Variants in LZTS2 observed in about 807,000 individuals in gnomAD.
LZTS2 encodes the protein leucine zipper tumor suppressor 2.
In LZTS2, 32 loss-of-function variants were observed where a neutral mutation model predicts 60.6. The ratio of observed to expected loss-of-function variants is 0.53; its 90% CI spans 0.40 to 0.71. The LOEUF (loss-of-function observed/expected upper bound fraction) is 0.71, where lower values mean the gene tolerates loss of function less well. Among genes scored for constraint, LZTS2 ranks in the 30% least tolerant of loss-of-function variants. The probability of loss-of-function intolerance (pLI) is 0.00; values close to 1 mark genes in which losing one functional copy is unlikely to be tolerated. For synonymous variants in LZTS2, 360 were observed against 393.1 expected, an observed-to-expected ratio of 0.92 and a Z score of 1.00; for missense variants, 792 against 901.9, an observed-to-expected ratio of 0.88 and a Z score of 1.56.
At chr10:101,006,380 G>A in intron 3 of LZTS2, 105 bp from the exon 5 acceptor site, 1 of 1,452,802 alleles carries the variant, frequency 6.9e-7, no homozygotes, top group South Asian at 1.5e-5. Flanking sequence ...GTAAAATGGG[G>A]ATAAAGATGG....
At chr10:101,004,908 A>G (rs1195749872) in intron 2 of LZTS2, among the ~76,000 whole-genome samples, 1 of 152,060 alleles carries the variant, frequency 6.6e-6, no homozygotes, top group Non-Finnish European at 1.5e-5. Flanking sequence ...ATGTTGGCCA[A>G]GCTGGTCGCG....
At chr10:100,997,236 T>C (rs1851934773), upstream of LZTS2, 1 of 152,048 alleles carries the variant, frequency 6.6e-6, no homozygotes. Flanking sequence ...TGGCGCTGGG[T>C]GAGTGGTGGG....
intron 2 of LZTS2, among the ~76,000 whole-genome samples, chr10:101,004,390 T>C (rs1852124481): frequency 6.6e-6 from 1 of 151,892 alleles, no homozygotes; most frequent in Non-Finnish European, 1.5e-5. Flanking sequence ...GCGGATTGCT[T>C]GAGCTCGGGA....
Position 101,006,644 on chromosome 10 carries a change from C to T in LZTS2, c.1486C>T (p.Gln496Ter). 1 of 1,588,898 alleles carries T rather than the reference C, an allele frequency of 6.3e-7. No homozygotes were observed. Among genetic ancestry groups the T allele is most frequent in the Non-Finnish European group, 8.6e-7 (1 of 1,167,732 alleles). Residue 496 changes from glutamine to a stop codon, truncating the protein, a stop_gained, in exon 4 of 4, where the codon CAG becomes TAG. Transcript: ENST00000370220. LOFTEE classifies it high-confidence loss of function. ...CAGTGAGGGCCGTGCGCGGGGTCTACAGGAGGCCGCCCGAGCTCGGGAGCT... is the reference window on the plus strand; with the variant it reads ...CAGTGAGGGCCGTGCGCGGGGTCTATAGGAGGCCGCCCGAGCTCGGGAGCT...
chr10:101,004,110 G>T, exon 2 of LZTS2: 1 of 1,613,002 alleles, frequency 6.2e-7, no homozygotes, highest in Non-Finnish European at 8.5e-7. Context: ...AGACCGGGAG[G>T]CAGAGCTTCA....
upstream of LZTS2, among the ~76,000 whole-genome samples, chr10:100,997,639 T>A (rs1226824850): frequency 1.3e-5 from 2 of 151,910 alleles, no homozygotes; most frequent in East Asian, 3.9e-4. Context: ...CACCCGGAGG[T>A]TCCTGCTTCC....
exon 4 of LZTS2, chr10:101,006,906 A>C (rs1472847971): frequency 6.5e-7 from 1 of 1,531,824 alleles, no homozygotes; most frequent in African/African-American, 1.4e-5. Flanking sequence ...GTGGAGCTGC[A>C]GCGGGAGCGG....
At chr10:101,003,086 T>A (rs1852082372) in intron 1 of LZTS2, 140 bp downstream of exon 2, 1 of 1,102,606 alleles carries the variant, frequency 9.1e-7, no homozygotes, top group Non-Finnish European at 1.3e-6. Flanking sequence ...CTCTCTCTCA[T>A]TCTGGATGTG....
chr10:101,006,748 G>A lies in LZTS2; in HGVS notation c.1590G>A (p.Leu530=), dbSNP rs145739826. The change falls in exon 4 of 4, where the codon TTG becomes TTA. Residue 530 remains leucine (L), a synonymous_variant. Coordinates refer to ENST00000370220, the Ensembl canonical transcript of LZTS2. The stretch of plus-strand genomic sequence containing the variant: ...AGCTGCGGGAGAAAGCTGGGCAGTT[G>A]GATGCTGAGGCGGCCGGACTCCGGG... 4,221 of 1,586,930 alleles carry A rather than the reference G, an allele frequency of 2.7e-3. 44 individuals are homozygous for A. Among genetic ancestry groups the A allele is most frequent in the South Asian group, 0.022 (1,977 of 88,226 alleles).
chr10:101,000,853 C>T (rs1852020205), exon 1 of LZTS2: 1 of 152,484 alleles, frequency 6.6e-6, no homozygotes, highest in Non-Finnish European at 1.5e-5. Context: ...TGCTCCTGGC[C>T]TACCCCTCCC....
chr10:101,005,669 G>C (rs201421630), exon 3 of LZTS2: 2 of 1,604,554 alleles, frequency 1.2e-6, no homozygotes, highest in South Asian at 1.1e-5. Context: ...ACCTTGGAGC[G>C]GGAGCAGCGG....
chr10:101,005,391 C>T, intron 2 of LZTS2, 67 bp from the exon 4 acceptor site: 1 of 1,486,244 alleles, frequency 6.7e-7, no homozygotes, highest in Non-Finnish European at 8.9e-7. Flanking sequence ...AGTGGGCTGC[C>T]AGAGCAGACA....
exon 1 of LZTS2, chr10:101,000,923 T>G (rs1389243898): frequency 6.6e-6 from 1 of 152,336 alleles, no homozygotes; most frequent in African/African-American, 2.4e-5. Context: ...CAGTGTCTTT[T>G]GACTTGGGTG....
chr10:101,002,302 C>T (rs1852056248), exon 1 of LZTS2: 1 of 406,000 alleles, frequency 2.5e-6, no homozygotes, highest in Non-Finnish European at 4.3e-6. Flanking sequence ...ATTCACTCCT[C>T]AGCCCTGTTC....
intron 1 of LZTS2, chr10:101,003,215 G>A (rs1852085408): frequency 1.9e-6 from 1 of 536,558 alleles, no homozygotes; most frequent in South Asian, 3.5e-5. Flanking sequence ...AGTTGCTTAC[G>A]TTCTGGTTAT....
At chr10:101,006,587 GCGCTGCGGGAGGCCCGTGCTA>G (rs778318032) in exon 4 of LZTS2, 8 of 1,609,490 alleles carry the variant, frequency 5.0e-6, no homozygotes, top group South Asian at 1.1e-5. Context: ...TCTGCGGGTG[GCGCTGCGGGAGGCCCGTGCTA>G]CGCTGCGGGT....
chr10:101,004,689 T>G (rs1300824121), intron 2 of LZTS2, among the ~76,000 whole-genome samples: 1 of 152,220 alleles, frequency 6.6e-6, no homozygotes, highest in Non-Finnish European at 1.5e-5. Context: ...TTTTTGGGCT[T>G]GAGCAAGTTG....
chr10:101,006,688 C>T (rs1359224391), exon 4 of LZTS2: 2 of 1,596,842 alleles, frequency 1.3e-6, no homozygotes, highest in African/African-American at 2.7e-5. Flanking sequence ...AAGCCTGTTC[C>T]CAGGAGCTGC....
At chr10:101,001,629 C>CT (rs1852041923) in exon 1 of LZTS2, 1 of 152,270 alleles carries the variant, frequency 6.6e-6, no homozygotes, top group Non-Finnish European at 1.5e-5. Context: ...GGAGCAGAGC[C>CT]TGGGGAGGTG....
Sources: allele counts gnomAD v4.1 joint callset (sites outside exome capture counted in the v4.1 genomes callset), GRCh38; gene constraint gnomAD v4.1.1; transcripts MANE v1.5; gene names NCBI Gene and HGNC (gene_info 2026-07-23, HGNC 2026-07-21).